CUL3: variants seen among roughly 807,000 people sequenced by gnomAD.
CUL3 encodes the protein cullin 3.
CUL3 carries 19 observed loss-of-function variants against 89.1 expected under a neutral mutation model. That is an observed-to-expected ratio of 0.21 (90% CI 0.15 to 0.31). The LOEUF (loss-of-function observed/expected upper bound fraction) is 0.31, where lower values mean the gene tolerates loss of function less well. Among genes scored for constraint, CUL3 ranks in the 10% least tolerant of loss-of-function variants. CUL3 has a pLI of 1.00. For synonymous variants in CUL3, 351 were observed against 308.4 expected (o/e 1.14, Z -1.45); for missense variants, 469 against 942.3 (o/e 0.50, Z 6.58).
At chr2:224,479,109 T>C (rs1301729018) in intron 14 of CUL3, 1 of 152,164 alleles carries the variant, frequency 6.6e-6, no homozygotes, top group Non-Finnish European at 1.5e-5. Flanking sequence ...AAAACTGGTG[T>C]TTTATTCGTT....
intron 2 of CUL3, among the ~76,000 whole-genome samples, chr2:224,549,958 A>AGATTAGAGC (rs1051856817): frequency 2.0e-5 from 3 of 152,172 alleles, no homozygotes; most frequent in Admixed American, 6.5e-5. Flanking sequence ...TTATAATGTA[A>AGATTAGAGC]GATTAGAGCT....
intron 14 of CUL3, chr2:224,480,099 AGGTGGT>A (rs71062931): frequency 0.079 from 11,888 of 151,410 alleles, 711 homozygotes; most frequent in East Asian, 0.27. Flanking sequence ...TGAGAAAGGC[AGGTGGT>A]GGTGGTGGTG....
intron 5 of CUL3, among the ~76,000 whole-genome samples, chr2:224,512,221 G>C (rs1483690583): frequency 6.6e-6 from 1 of 151,392 alleles, no homozygotes; most frequent in East Asian, 1.9e-4. Context: ...TCAGCCTCCC[G>C]AGTAGCTGGG....
intron 1 of CUL3, among the ~76,000 whole-genome samples, chr2:224,583,889 A>G (rs1235178923): frequency 6.6e-6 from 1 of 152,246 alleles, no homozygotes; most frequent in African/African-American, 2.4e-5. Context: ...CATCATATGA[A>G]GTATTTATGA....
intron 7 of CUL3, 92 bp from the exon 8 acceptor site, chr2:224,506,224 G>T: frequency 1.2e-6 from 1 of 811,148 alleles, no homozygotes; most frequent in Non-Finnish European, 1.8e-6. Context: ...TAACTTTGCT[G>T]GTAATAAACA....
chr2:224,500,611 A>C (rs1692346172), intron 10 of CUL3, 124 bp from the exon 11 acceptor site: 2 of 923,602 alleles, frequency 2.2e-6, no homozygotes, highest in Non-Finnish European at 3.0e-6. Context: ...ATTTAAAAAA[A>C]AGCAGATTTT....
At chr2:224,576,484 A>G (rs1695301191) in intron 1 of CUL3, among the ~76,000 whole-genome samples, 1 of 152,198 alleles carries the variant, frequency 6.6e-6, no homozygotes, top group African/African-American at 2.4e-5. Context: ...GAGTTACAAA[A>G]ACTTCAAACA....
At chr2:224,547,464 T>C (rs535651691) in intron 2 of CUL3, among the ~76,000 whole-genome samples, 1 of 152,280 alleles carries the variant, frequency 6.6e-6, no homozygotes, top group African/African-American at 2.4e-5. Context: ...TGAGTAATGC[T>C]TTAAGTATAA....
chr2:224,561,057 C>T lies in CUL3; in HGVS notation c.67-3201G>A, dbSNP rs535827630. 5.6e-4 allele frequency among the ~76,000 whole-genome samples: 86 copies of T among 152,218 alleles called. 1 individual carries two copies. Among genetic ancestry groups the T allele is most frequent in the Non-Finnish European group, 9.3e-4 (63 of 68,018 alleles). On this transcript the variant is annotated intron_variant, in intron 1 of 15. Transcript: ENST00000264414. ...CATCTTACAGTGAAGTTTTAAATGC[C>T]CACCTTATTTACAGTAACAGCCTCA...
At chr2:224,568,774 A>C (rs1465182415) in intron 1 of CUL3, among the ~76,000 whole-genome samples, 1 of 152,210 alleles carries the variant, frequency 6.6e-6, no homozygotes, top group Admixed American at 6.5e-5. Flanking sequence ...ATAAGCTACA[A>C]TCTTTCCCTA....
In CUL3 at chr2:224,506,043, G is replaced by A. The variant is rs2106203262; in HGVS notation, c.1119C>T (p.Asp373=). The stretch of plus-strand genomic sequence containing the variant: ...AGTTGAGGTTGAGAAAATACTCAAA[G>A]TCACCCGCAATAGTTTGTTTAAAGA... The part of the protein sequence containing the change: ...DRLFKQTIAG[D]FEYFLNLNSR... Residue 373 remains aspartate, a synonymous_variant, in exon 8 of 16, where the codon GAC becomes GAT. Coordinates refer to ENST00000264414, the MANE Select transcript of CUL3 (RefSeq NM_003590.5). The A allele has an allele frequency of 1.2e-6, 2 of 1,612,586 alleles. No individual in the cohort carries two copies. Among genetic ancestry groups the A allele is most frequent in the Middle Eastern group, 1.7e-4 (1 of 6,054 alleles).
chr2:224,481,845 G>T, intron 14 of CUL3, 47 bp downstream of exon 14: 1 of 1,298,472 alleles, frequency 7.7e-7, no homozygotes, highest in Middle Eastern at 2.8e-4. Context: ...TTTTTCTAAA[G>T]AGAAAAATAT....
Position 224,502,897 on chromosome 2 carries a change from G to A in CUL3, c.1485+68C>T, listed in dbSNP as rs905721413. The A allele has an allele frequency of 2.1e-5, 23 of 1,070,262 alleles. No homozygotes were observed. In the African/African-American group the frequency reaches 3.3e-4, roughly 15 times the overall value. 66.3% of individuals were successfully genotyped at this position (1,070,262 alleles called of 1,614,324 possible). On this transcript the variant is annotated intron_variant, in intron 10 of 15. Transcript: ENST00000264414. ...AGAAACAACTGTCATCTGCTAAGTG[G>A]ATGAAAATATACCCATTACAAAAGA...
intron 2 of CUL3, among the ~76,000 whole-genome samples, chr2:224,555,608 T>C (rs571526007): frequency 4.6e-5 from 7 of 152,198 alleles, no homozygotes; most frequent in Admixed American, 2.0e-4. Context: ...TTTGTAACAC[T>C]ACAATCCACT....
rs551637158 is a variant in CUL3 at position 224,563,543 on chromosome 2, T to C, written c.67-5687A>G. Reference sequence around the variant, plus strand: ...AAGATAAACTACAACAGTCCTCCTATCTACAGTTTCACCTTCCTTGGTTTA... The same window carrying C: ...AAGATAAACTACAACAGTCCTCCTACCTACAGTTTCACCTTCCTTGGTTTA... On this transcript the variant is annotated intron_variant, in intron 1 of 15. Coordinates refer to ENST00000264414, the MANE Select transcript of CUL3 (RefSeq NM_003590.5). 2.0e-5 allele frequency among the ~76,000 whole-genome samples: 3 copies of C among 152,304 alleles called. No individual in the cohort carries two copies. The South Asian group carries it at 6.2e-4, about 32-fold the overall frequency.
At chr2:224,499,208 T>C (rs193198987) in intron 11 of CUL3, among the ~76,000 whole-genome samples, 2 of 152,332 alleles carry the variant, frequency 1.3e-5, no homozygotes, top group Non-Finnish European at 2.9e-5. Context: ...AACTTTCAAA[T>C]ACATTTTGAC....
chr2:224,526,932 TAAGG>T (rs1349569546), intron 3 of CUL3, among the ~76,000 whole-genome samples: 1 of 152,176 alleles, frequency 6.6e-6, no homozygotes, highest in Admixed American at 6.5e-5. Flanking sequence ...AGCAGGAATT[TAAGG>T]AAGGAAGAAA....
chr2:224,503,209 C>T, intron 9 of CUL3, 137 bp from the exon 10 acceptor site: 1 of 661,506 alleles, frequency 1.5e-6, no homozygotes, highest in Non-Finnish European at 2.6e-6. Flanking sequence ...TTGCTCTGTG[C>T]CTGTGGTTAT....
chr2:224,535,893 G>A (rs1412435798), intron 2 of CUL3, among the ~76,000 whole-genome samples: 1 of 152,144 alleles, frequency 6.6e-6, no homozygotes, highest in Non-Finnish European at 1.5e-5. Context: ...CAACCCTCCA[G>A]TGACTTGACA....
Sources: gnomAD v4.1 joint callset for allele counts (sites outside exome capture counted in the v4.1 genomes callset) on GRCh38, gnomAD v4.1.1 for gene constraint, MANE v1.5 for transcripts, NCBI Gene and HGNC (gene_info 2026-07-23, HGNC 2026-07-21) for gene names.